SLC25A21: variants seen among roughly 807,000 people sequenced by gnomAD.
SLC25A21 encodes the protein mitochondrial 2-oxodicarboxylate carrier.
Under a neutral mutation model 43.8 loss-of-function variants are expected in SLC25A21, and 47 were observed. That is an observed-to-expected ratio of 1.07 (90% CI 0.85 to 1.37). The LOEUF (loss-of-function observed/expected upper bound fraction) is 1.37. Among genes scored for constraint, SLC25A21 ranks in the 40% most tolerant of loss-of-function variants. The pLI, the probability that SLC25A21 is intolerant of heterozygous loss-of-function variation, is 0.00. For synonymous variants in SLC25A21, 131 were observed against 121.3 expected (o/e 1.08, Z -0.52); for missense variants, 352 against 350.2 (o/e 1.00, Z -0.04).
chr14:36,733,299 T>C (rs546318290), intron 4 of SLC25A21, among the ~76,000 whole-genome samples: 2 of 152,360 alleles, frequency 1.3e-5, no homozygotes, highest in South Asian at 4.1e-4. Flanking sequence ...CATAATTCAA[T>C]TCAGCTCTTT....
chr14:36,940,015 A>G (rs979267915), intron 1 of SLC25A21, among the ~76,000 whole-genome samples: 1 of 152,194 alleles, frequency 6.6e-6, no homozygotes, highest in African/African-American at 2.4e-5. Context: ...AGAGTTTAAA[A>G]ATCACCTTAG....
chr14:37,151,279 G>A (rs766571239), intron 1 of SLC25A21, among the ~76,000 whole-genome samples: 79 of 152,174 alleles, frequency 5.2e-4, no homozygotes, highest in Non-Finnish European at 9.1e-4. Context: ...AGTCACACCA[G>A]TATCTTATTA....
At chr14:37,042,700 T>C in intron 1 of SLC25A21, among the ~76,000 whole-genome samples, 1 of 152,244 alleles carries the variant, frequency 6.6e-6, no homozygotes. Flanking sequence ...ATATTAAAGT[T>C]TGGTTCACAC....
At position 37,172,538 on chromosome 14, in the gene SLC25A21, C is replaced by T. The variant is rs765127664; in HGVS notation, c.-188G>A. On this transcript the variant is annotated 5_prime_UTR_variant, in exon 1 of 10. Coordinates refer to ENST00000331299, the MANE Select transcript of SLC25A21 (RefSeq NM_030631.4). ...CGCAGATTCGTCGCGCGATCTCCGG[C>T]GCGTCGGAACCTGTTCGCAGCGCTC... is the stretch of plus-strand genomic sequence containing the variant. 4.1e-6 allele frequency: 3 copies of T among 730,722 alleles called. No individual in the cohort carries two copies. Among genetic ancestry groups the T allele is most frequent in the African/African-American group, 3.5e-5 (2 of 57,610 alleles). 45.3% of individuals were successfully genotyped at this position (730,722 alleles called of 1,614,324 possible).
At chr14:37,128,983 T>C (rs1481198503) in intron 1 of SLC25A21, among the ~76,000 whole-genome samples, 1 of 152,154 alleles carries the variant, frequency 6.6e-6, no homozygotes, top group Non-Finnish European at 1.5e-5. Context: ...CTTAAATTAA[T>C]TAAAACTAAA....
At chr14:36,883,847 AAAT>A (rs911765329) in intron 1 of SLC25A21, among the ~76,000 whole-genome samples, 7 of 152,164 alleles carry the variant, frequency 4.6e-5, no homozygotes, top group African/African-American at 1.4e-4. Context: ...TTTTAATGAC[AAAT>A]AATAATTTTA....
At chr14:36,957,877 G>A (rs2138670028) in intron 1 of SLC25A21, among the ~76,000 whole-genome samples, 1 of 152,278 alleles carries the variant, frequency 6.6e-6, no homozygotes, top group South Asian at 2.1e-4. Context: ...ATTCATTTAT[G>A]TATGGTTTTG....
chr14:36,918,106 C>T (rs1300912585), intron 1 of SLC25A21, among the ~76,000 whole-genome samples: 1 of 152,128 alleles, frequency 6.6e-6, no homozygotes, highest in Non-Finnish European at 1.5e-5. Flanking sequence ...TGAATGCTCT[C>T]TAAAAAGGAA....
chr14:36,720,018 GC>G (rs1316181472), intron 6 of SLC25A21, among the ~76,000 whole-genome samples: 2 of 152,112 alleles, frequency 1.3e-5, no homozygotes, highest in Non-Finnish European at 2.9e-5. Flanking sequence ...GGCTACAGGG[GC>G]CCTTGATCTG....
intron 1 of SLC25A21, among the ~76,000 whole-genome samples, chr14:37,145,458 C>CAT (rs1381238262): frequency 5.1e-4 from 20 of 39,058 alleles, no homozygotes; most frequent in South Asian, 2.0e-3. Context: ...CACACACACA[C>CAT]ACACACACAC....
intron 1 of SLC25A21, among the ~76,000 whole-genome samples, chr14:37,030,237 T>C (rs1458743512): frequency 2.0e-5 from 3 of 152,190 alleles, no homozygotes; most frequent in Non-Finnish European, 2.9e-5. Flanking sequence ...TTTATCTTCA[T>C]CATCTTTATG....
At chr14:36,682,689 A>G (rs186040496) in intron 9 of SLC25A21, among the ~76,000 whole-genome samples, 6 of 152,276 alleles carry the variant, frequency 3.9e-5, no homozygotes, top group Admixed American at 3.9e-4. Context: ...AGAGATGCAC[A>G]AAATTCCCCA....
chr14:36,919,389 G>A (rs764960961), intron 1 of SLC25A21, among the ~76,000 whole-genome samples: 7 of 151,956 alleles, frequency 4.6e-5, no homozygotes, highest in Admixed American at 1.3e-4. Context: ...TGAATTCTAA[G>A]CCATTTTAAC....
intron 7 of SLC25A21, among the ~76,000 whole-genome samples, chr14:36,688,139 G>T (rs1488644338): frequency 1.3e-5 from 2 of 152,102 alleles, no homozygotes; most frequent in Admixed American, 1.3e-4. Context: ...AACAATTCCT[G>T]CAGCCTAGAA....
chr14:37,161,954 C>T (rs1461550342), intron 1 of SLC25A21, among the ~76,000 whole-genome samples: 15 of 94,066 alleles, frequency 1.6e-4, no homozygotes, highest in African/African-American at 6.2e-4. Flanking sequence ...CAGAGCGAGA[C>T]TCCGTCTCAA....
chr14:37,037,723 G>A (rs979519724), intron 1 of SLC25A21, among the ~76,000 whole-genome samples: 1 of 152,026 alleles, frequency 6.6e-6, no homozygotes, highest in Non-Finnish European at 1.5e-5. Flanking sequence ...GAGCATTTTA[G>A]TCTCTTGCTT....
chr14:36,684,991 T>A, intron 7 of SLC25A21, 66 bp from the exon 8 acceptor site: 1 of 1,295,718 alleles, frequency 7.7e-7, no homozygotes, highest in South Asian at 1.4e-5. Flanking sequence ...TTAAACACTA[T>A]AAAGCAATAT....
intron 1 of SLC25A21, among the ~76,000 whole-genome samples, chr14:36,991,817 G>A (rs905443597): frequency 6.9e-6 from 1 of 144,530 alleles, no homozygotes; most frequent in African/African-American, 2.9e-5. Flanking sequence ...GGGCTGATAC[G>A]CTGAGGTAGA....
chr14:36,948,251 A>G (rs890051495), intron 1 of SLC25A21, among the ~76,000 whole-genome samples: 1 of 152,096 alleles, frequency 6.6e-6, no homozygotes, highest in Non-Finnish European at 1.5e-5. Flanking sequence ...TTTATTTGCC[A>G]CTCTAATTAA....
Sources: gnomAD v4.1 joint callset for allele counts (sites outside exome capture counted in the v4.1 genomes callset) on GRCh38, gnomAD v4.1.1 for gene constraint, MANE v1.5 for transcripts, NCBI Gene and HGNC (gene_info 2026-07-23, HGNC 2026-07-21) for gene names.